The following CCN4 variants were observed in gnomAD, a reference collection of about 807,000 sequenced individuals.
CCN4 encodes the protein cellular communication network factor 4.
In CCN4, 30 loss-of-function variants were observed where a neutral mutation model predicts 36.7. The ratio of observed to expected loss-of-function variants is 0.82; its 90% CI spans 0.61 to 1.11. The LOEUF (loss-of-function observed/expected upper bound fraction) is 1.11. Among genes scored for constraint, CCN4 ranks in the 50% least tolerant of loss-of-function variants. The pLI is 0.00. For synonymous variants in CCN4, 191 were observed against 195.4 expected (o/e 0.98, Z 0.19); for missense variants, 505 against 504.9 (o/e 1.00, Z 0.00).
At chr8:133,208,268 T>A (rs1473917969) in intron 1 of CCN4, among the ~76,000 whole-genome samples, 1 of 152,150 alleles carries the variant, frequency 6.6e-6, no homozygotes, top group African/African-American at 2.4e-5. Context: ...CAGGAGGAAT[T>A]CCAGCTGTGA....
At chr8:133,197,755 AG>A (rs1853440874) in intron 1 of CCN4, among the ~76,000 whole-genome samples, 1 of 152,092 alleles carries the variant, frequency 6.6e-6, no homozygotes, top group Non-Finnish European at 1.5e-5. Context: ...GATTAGGGGT[AG>A]GGGGTAGGGT....
intron 1 of CCN4, among the ~76,000 whole-genome samples, chr8:133,191,693 C>T (rs1237737622): frequency 1.3e-5 from 2 of 152,044 alleles, no homozygotes; most frequent in East Asian, 1.9e-4. Flanking sequence ...ATGGAAAAAG[C>T]CAAAAAAAAT....
chr8:133,216,536 G>A (rs1279204855), intron 2 of CCN4, among the ~76,000 whole-genome samples: 1 of 152,120 alleles, frequency 6.6e-6, no homozygotes, highest in Non-Finnish European at 1.5e-5. Flanking sequence ...TGTAAACATT[G>A]GCAATACATT....
intron 2 of CCN4, among the ~76,000 whole-genome samples, chr8:133,216,176 C>G (rs1290830201): frequency 6.6e-6 from 1 of 152,174 alleles, no homozygotes; most frequent in Non-Finnish European, 1.5e-5. Context: ...AAAGAATACA[C>G]CTCTGGGCCA....
intron 1 of CCN4, among the ~76,000 whole-genome samples, chr8:133,191,966 G>A (rs560557314): frequency 6.6e-6 from 1 of 152,146 alleles, no homozygotes; most frequent in Non-Finnish European, 1.5e-5. Context: ...AAAGCCAGGG[G>A]AGTCACATAT....
At position 133,213,106 on chromosome 8, in the gene CCN4, C is replaced by A; in HGVS notation, c.312C>A (p.Ser104Arg). The stretch of plus-strand genomic sequence containing the variant: ...ACCGGGGCCTCTACTGTGACTACAG[C>A]GGGGACCGCCCGAGGTACGCAATAG... Reference protein sequence around the residue: ...DPHRGLYCDYSGDRPRYAIGV... With the variant: ...DPHRGLYCDYRGDRPRYAIGV... Residue 104 changes from serine (S) to arginine (R), a missense_variant, in exon 2 of 5, where the codon AGC (serine) becomes AGA (arginine). Ser to Arg is a moderately radical substitution (Grantham distance 110). Transcript: ENST00000250160. The A allele has an allele frequency of 6.2e-7, 1 of 1,613,616 alleles. No individual in the cohort carries two copies. The highest frequency in any genetic ancestry group is 8.5e-7 in the Non-Finnish European group (1 of 1,179,598).
chr8:133,194,619 G>C (rs1445239941), intron 1 of CCN4, among the ~76,000 whole-genome samples: 1 of 123,822 alleles, frequency 8.1e-6, no homozygotes, highest in Non-Finnish European at 1.7e-5. Flanking sequence ...GGTTTGTGTA[G>C]TGTGTGTGGG....
Position 133,220,841 on chromosome 8 carries a change from G to C in CCN4, c.610G>C (p.Asp204His). 1 of 1,596,558 alleles carries C rather than the reference G, an allele frequency of 6.3e-7. No individual in the cohort carries two copies. Among genetic ancestry groups the C allele is most frequent in the Non-Finnish European group, 8.6e-7 (1 of 1,168,104 alleles). ...CGCACCCCGTGACACAGGAGCCTTC[G>C]GTGGGTGTGGGCCCGAGTGGGCTGG... is the stretch of plus-strand genomic sequence containing the variant. The part of the protein sequence containing the change: ...KTAPRDTGAF[D>H]AVGEVEAWHR... Residue 204 changes from aspartate (D) to histidine (H), a missense_variant and splice_region_variant, in exon 3 of 5, where the codon GAT (aspartate) becomes CAT (histidine). Coordinates refer to ENST00000250160, the MANE Select transcript of CCN4 (RefSeq NM_003882.4).
At chr8:133,205,618 G>A (rs2130554979) in intron 1 of CCN4, among the ~76,000 whole-genome samples, 1 of 152,302 alleles carries the variant, frequency 6.6e-6, no homozygotes, top group African/African-American at 2.4e-5. Context: ...GATAGGATAT[G>A]GGGCAGGCTC....
At chr8:133,223,325 CTT>C (rs1854601862) in intron 3 of CCN4, among the ~76,000 whole-genome samples, 1 of 152,160 alleles carries the variant, frequency 6.6e-6, no homozygotes, top group Non-Finnish European at 1.5e-5. Flanking sequence ...ACCAAAGCCT[CTT>C]TATCCTCCTG....
chr8:133,213,991 T>C (rs202228240), intron 2 of CCN4, among the ~76,000 whole-genome samples: 309 of 40,202 alleles, frequency 7.7e-3, no homozygotes, highest in Middle Eastern at 0.021. Flanking sequence ...AGTAGTTATA[T>C]ATACTATATA....
rs993574386 is a variant in CCN4, at chr8:133,229,932, A to G, written c.*2222A>G. ...TCTGTAAGTCAGTGTGAATCATGTTAGATTTTCTGAGAGTGAAAACACCTG... is the reference window on the plus strand; with the variant it reads ...TCTGTAAGTCAGTGTGAATCATGTTGGATTTTCTGAGAGTGAAAACACCTG... On this transcript the variant is annotated 3_prime_UTR_variant, in exon 5 of 5. Transcript: ENST00000250160. The G allele has an allele frequency of 6.6e-6, 1 of 152,258 alleles. No individual in the cohort carries two copies. The highest frequency in any genetic ancestry group is 2.4e-5 in the African/African-American group (1 of 41,474). The allele number at this position is 152,258 out of a possible 1,614,324, so 9.4% of individuals were successfully genotyped here. A position where few individuals can be genotyped will look rare whatever the true frequency, so the allele number is the denominator to read the frequency against.
rs1316661679 is a variant in CCN4 at position 133,229,105 on chromosome 8, G to A, written c.*1395G>A. ...ATGTATTAGCTCACTGAATCTTCACGACAATGTTGAGAAGTTCCCATTATT... is the reference window on the plus strand; with the variant it reads ...ATGTATTAGCTCACTGAATCTTCACAACAATGTTGAGAAGTTCCCATTATT... On this transcript the variant is annotated 3_prime_UTR_variant, in exon 5 of 5. Transcript: ENST00000250160. 1 of 152,078 alleles carries A rather than the reference G, an allele frequency of 6.6e-6. No individual in the cohort carries two copies. Among genetic ancestry groups the A allele is most frequent in the Non-Finnish European group, 1.5e-5 (1 of 68,030 alleles). 9.4% of individuals were successfully genotyped at this position (152,078 alleles called of 1,614,324 possible).
chr8:133,213,699 C>G (rs543529631), intron 2 of CCN4, among the ~76,000 whole-genome samples: 2 of 146,676 alleles, frequency 1.4e-5, no homozygotes, highest in South Asian at 4.2e-4. Flanking sequence ...TAGAAATATA[C>G]TATATATTCT....
At chr8:133,216,540 A>G (rs2130596646) in intron 2 of CCN4, among the ~76,000 whole-genome samples, 1 of 152,224 alleles carries the variant, frequency 6.6e-6, no homozygotes, top group Non-Finnish European at 1.5e-5. Context: ...AACATTGGCA[A>G]TACATTCAAA....
rs1486960385 is a variant in CCN4 at position 133,212,925 on chromosome 8, C to T, written c.131C>T (p.Ser44Leu). The change falls in exon 2 of 5, where the codon TCA becomes TTA. Residue 44 changes from serine (S) to leucine (L), a missense_variant. Ser to Leu is a moderately radical substitution (Grantham distance 145). Transcript: ENST00000250160. ...FTPAPLEDTS[S>L]RPQFCKWPCE... ...CCAGCTCCACTGGAGGACACCTCCT[C>T]ACGCCCCCAATTCTGCAAGTGGCCA... is the stretch of plus-strand genomic sequence containing the variant. The T allele has an allele frequency of 9.3e-6, 15 of 1,613,248 alleles. No homozygotes were observed. The South Asian group carries it at 1.5e-4, about 17-fold the overall frequency.
chr8:133,231,040 G>T lies in CCN4; in HGVS notation c.*3330G>T, dbSNP rs1225024239. On this transcript the variant is annotated 3_prime_UTR_variant, in exon 5 of 5. Coordinates refer to ENST00000250160, the MANE Select transcript of CCN4 (RefSeq NM_003882.4). ...TTCTGTCCCCCAAATCAAAAGGCAT[G>T]ACCTTTATAAGAGGCGCTTTACTGA... 2.0e-5 allele frequency: 3 copies of T among 152,162 alleles called. No individual in the cohort carries two copies. Among genetic ancestry groups the T allele is most frequent in the Admixed American group, 1.3e-4 (2 of 15,272 alleles). 9.4% of individuals were successfully genotyped at this position (152,162 alleles called of 1,614,324 possible). A position where few individuals can be genotyped will look rare whatever the true frequency, so the allele number is the denominator to read the frequency against.
rs541352856 is a variant in CCN4 at position 133,210,581 on chromosome 8, C to T, written c.70-2283C>T. Among the ~76,000 whole-genome samples, 12 of 152,300 alleles carry T rather than the reference C, an allele frequency of 7.9e-5. No individual in the cohort carries two copies. The East Asian group carries it at 2.3e-3, about 29-fold the overall frequency. ...CCAGCAAGGCCTTCCAAGGCCACAT[C>T]GCCCACAGAGCCTTCCTCCCTGCAG... On this transcript the variant is annotated intron_variant, in intron 1 of 4. Transcript: ENST00000250160.
chr8:133,231,016 T>C lies in CCN4; in HGVS notation c.*3306T>C, dbSNP rs1032276467. ...CTCTTCTTGTGCTACGCCTAGTTAT[T>C]CTGTCCCCCAAATCAAAAGGCATGA... On this transcript the variant is annotated 3_prime_UTR_variant, in exon 5 of 5. Transcript: ENST00000250160. 2.0e-5 allele frequency: 3 copies of C among 152,344 alleles called. No individual in the cohort carries two copies. The highest frequency in any genetic ancestry group is 4.4e-5 in the Non-Finnish European group (3 of 68,038). The allele number at this position is 152,344 out of a possible 1,614,324, so 9.4% of individuals were successfully genotyped here. A position where few individuals can be genotyped will look rare whatever the true frequency, so the allele number is the denominator to read the frequency against.
Sources: gnomAD v4.1 joint callset for allele counts (sites outside exome capture counted in the v4.1 genomes callset) on GRCh38, gnomAD v4.1.1 for gene constraint, MANE v1.5 for transcripts, NCBI Gene and HGNC (gene_info 2026-07-23, HGNC 2026-07-21) for gene names.